Variants in ATG10 observed in about 807,000 individuals in gnomAD.
ATG10 encodes the protein ubiquitin-like-conjugating enzyme ATG10.
A neutral mutation model predicts 32.1 loss-of-function variants in ATG10; 30 were observed. The ratio of observed to expected loss-of-function variants is 0.94; its 90% CI spans 0.70 to 1.27. The LOEUF (loss-of-function observed/expected upper bound fraction) is 1.27, where lower values mean the gene tolerates loss of function less well. Ranked by LOEUF, ATG10 falls within the 50% of genes most tolerant of loss-of-function variation. The pLI is 0.00. For synonymous variants in ATG10, 87 were observed against 91.5 expected, an observed-to-expected ratio of 0.95 and a Z score of 0.28; for missense variants, 233 against 262.3, an observed-to-expected ratio of 0.89 and a Z score of 0.77.
chr5:82,102,167 T>C (rs1023785009), intron 3 of ATG10, among the ~76,000 whole-genome samples: 2 of 152,214 alleles, frequency 1.3e-5, no homozygotes, highest in Non-Finnish European at 2.9e-5. Context: ...CATTTTAAGA[T>C]TTGTGGCACA....
intron 1 of ATG10, among the ~76,000 whole-genome samples, chr5:81,985,226 G>A (rs555256925): frequency 3.5e-4 from 53 of 152,294 alleles, no homozygotes; most frequent in African/African-American, 1.3e-3. Context: ...AAGTATATTA[G>A]TGTTCTTTAT....
chr5:82,024,855 T>C (rs1404039032), intron 2 of ATG10, among the ~76,000 whole-genome samples: 1 of 152,220 alleles, frequency 6.6e-6, no homozygotes, highest in African/African-American at 2.4e-5. Flanking sequence ...GAGTTGGTGT[T>C]GACATTCTCG....
chr5:82,160,984 C>T (rs1281766693), intron 3 of ATG10, among the ~76,000 whole-genome samples: 1 of 152,198 alleles, frequency 6.6e-6, no homozygotes, highest in East Asian at 1.9e-4. Context: ...CTAGAATCTC[C>T]AGGAATACAA....
intron 3 of ATG10, among the ~76,000 whole-genome samples, chr5:82,093,573 A>G (rs1764959320): frequency 2.0e-5 from 3 of 152,122 alleles, no homozygotes; most frequent in Admixed American, 1.3e-4. Flanking sequence ...TTGGAACACA[A>G]CTATGCCCAT....
intron 2 of ATG10, among the ~76,000 whole-genome samples, chr5:82,011,508 T>G (rs1762126441): frequency 6.6e-6 from 1 of 152,238 alleles, no homozygotes; most frequent in Non-Finnish European, 1.5e-5. Context: ...TTAGTGATTC[T>G]TCATTATTCA....
chr5:82,131,308 G>A (rs1581720919), intron 3 of ATG10, among the ~76,000 whole-genome samples: 1 of 152,282 alleles, frequency 6.6e-6, no homozygotes, highest in African/African-American at 2.4e-5. Context: ...TCTTCATTCT[G>A]GCATGTTATG....
chr5:82,049,560 TAAAAA>T (rs889716776), intron 2 of ATG10, among the ~76,000 whole-genome samples: 1 of 141,168 alleles, frequency 7.1e-6, no homozygotes, highest in African/African-American at 2.6e-5. Flanking sequence ...TAATAATAAA[TAAAAA>T]AAAAAAGAAA....
intron 3 of ATG10, among the ~76,000 whole-genome samples, chr5:82,090,358 C>T (rs1298418823): frequency 6.6e-6 from 1 of 152,020 alleles, no homozygotes; most frequent in Non-Finnish European, 1.5e-5. Context: ...TAGAAACAAC[C>T]CACATGTCCT....
At chr5:82,156,864 G>T (rs1365859328) in intron 3 of ATG10, among the ~76,000 whole-genome samples, 2 of 152,204 alleles carry the variant, frequency 1.3e-5, no homozygotes, top group Admixed American at 1.3e-4. Flanking sequence ...TCCTGCCAAA[G>T]AACCTGTGTT....
At chr5:82,234,423 G>C (rs1276318457) in intron 5 of ATG10, among the ~76,000 whole-genome samples, 1 of 152,110 alleles carries the variant, frequency 6.6e-6, no homozygotes, top group Non-Finnish European at 1.5e-5. Context: ...CCACTGCTGG[G>C]CTCATCCGTA....
chr5:82,105,068 C>T (rs1017833537), intron 3 of ATG10, among the ~76,000 whole-genome samples: 6 of 152,070 alleles, frequency 3.9e-5, no homozygotes, highest in Non-Finnish European at 7.4e-5. Context: ...CACATAATGA[C>T]GTCAACAAAG....
chr5:82,202,943 G>T (rs1745126381), intron 5 of ATG10, among the ~76,000 whole-genome samples: 1 of 151,936 alleles, frequency 6.6e-6, no homozygotes, highest in Non-Finnish European at 1.5e-5. Context: ...AAGAAGTAAT[G>T]GGGGGCTGGG....
chr5:82,100,772 GTTTTTT>G (rs61096885), intron 3 of ATG10, among the ~76,000 whole-genome samples: 1,701 of 113,982 alleles, frequency 0.015, 13 homozygotes, highest in Non-Finnish European at 0.024. Context: ...ACAAGAACTA[GTTTTTT>G]TTTTTTTTTT....
At chr5:82,119,798 C>T (rs1055697862) in intron 3 of ATG10, among the ~76,000 whole-genome samples, 1 of 152,112 alleles carries the variant, frequency 6.6e-6, no homozygotes, top group Non-Finnish European at 1.5e-5. Flanking sequence ...ACAATAAATA[C>T]CACAATCTTG....
chr5:82,150,475 A>T (rs1234637079), intron 3 of ATG10, among the ~76,000 whole-genome samples: 1 of 152,112 alleles, frequency 6.6e-6, no homozygotes, highest in Non-Finnish European at 1.5e-5. Flanking sequence ...AGCTTCTTTT[A>T]TTTTCTTCTT....
intron 3 of ATG10, among the ~76,000 whole-genome samples, chr5:82,124,697 G>A (rs369102464): frequency 3.9e-5 from 6 of 151,970 alleles, no homozygotes; most frequent in Non-Finnish European, 7.4e-5. Flanking sequence ...ACATTGATGG[G>A]CATTTGGGTT....
chr5:81,980,598 G>A (rs914889070), intron 1 of ATG10, among the ~76,000 whole-genome samples: 1 of 151,820 alleles, frequency 6.6e-6, no homozygotes, highest in Non-Finnish European at 1.5e-5. Context: ...TTTCGGTCCT[G>A]TAACTATAAT....
At chr5:82,202,576 A>G (rs1745109822) in intron 5 of ATG10, among the ~76,000 whole-genome samples, 1 of 152,026 alleles carries the variant, frequency 6.6e-6, no homozygotes, top group Non-Finnish European at 1.5e-5. Context: ...TACTCCAGCT[A>G]TGTGCTCTCC....
At chr5:82,209,840 A>G (rs1406332468) in intron 5 of ATG10, among the ~76,000 whole-genome samples, 2 of 152,044 alleles carry the variant, frequency 1.3e-5, no homozygotes, top group East Asian at 1.9e-4. Flanking sequence ...CCCCTTCACC[A>G]TATCTCATAT....
Sources: gnomAD v4.1 joint callset for allele counts (sites outside exome capture counted in the v4.1 genomes callset) on GRCh38, gnomAD v4.1.1 for gene constraint, MANE v1.5 for transcripts, NCBI Gene and HGNC (gene_info 2026-07-23, HGNC 2026-07-21) for gene names.